BCAS3: variants seen among roughly 807,000 people sequenced by gnomAD.
BCAS3 encodes BCAS4/BCAS3 fusion.
A neutral mutation model predicts 116.1 loss-of-function variants in BCAS3; 53 were observed. That is an observed-to-expected ratio of 0.46 (90% CI 0.37 to 0.57). The LOEUF is 0.57. Ranked by LOEUF, BCAS3 falls within the 20% of genes least tolerant of loss-of-function variation. The probability of loss-of-function intolerance (pLI) is 0.00; values close to 1 mark genes in which losing one functional copy is unlikely to be tolerated. For missense variants in BCAS3, 917 were observed against 1,165.4 expected, an observed-to-expected ratio of 0.79 and a Z score of 3.10; for synonymous variants, 391 against 408.2, an observed-to-expected ratio of 0.96 and a Z score of 0.51.
chr17:60,855,873 G>T (rs940187106), intron 7 of BCAS3, among the ~76,000 whole-genome samples: 1 of 151,908 alleles, frequency 6.6e-6, no homozygotes, highest in African/African-American at 2.4e-5. Context: ...TTGTAAACAG[G>T]GTTTCACCAT....
intron 9 of BCAS3, among the ~76,000 whole-genome samples, chr17:60,881,440 CT>C (rs779372499): frequency 0.028 from 4,139 of 146,450 alleles, 71 homozygotes; most frequent in African/African-American, 0.044. Flanking sequence ...AATTGTTTAA[CT>C]TTTTTTTTTT....
chr17:60,692,083 G>GA (rs2034907153), intron 4 of BCAS3, among the ~76,000 whole-genome samples: 1 of 150,674 alleles, frequency 6.6e-6, no homozygotes, highest in Admixed American at 6.6e-5. Context: ...AAACACAGAA[G>GA]AAAAAGTGGA....
rs150061118 is a variant in BCAS3 at position 61,375,246 on chromosome 17, G to GTGTGTGTGTGCGCGCGCGCACA, written c.2593+6761_2593+6762insGCGCGCGCGCACATGTGTGTGT. Among the ~76,000 whole-genome samples, 410 of 150,774 alleles carry GTGTGTGTGTGCGCGCGCGCACA rather than the reference G, an allele frequency of 2.7e-3. 1 individual carries two copies. The highest frequency in any genetic ancestry group is 9.5e-3 in the African/African-American group (382 of 40,266). On this transcript the variant is annotated intron_variant, in intron 23 of 23. Coordinates refer to ENST00000407086, the MANE Select transcript of BCAS3 (RefSeq NM_017679.5). ...TGTGTGTGTGTGTGTGTGTGTGTGT[G>GTGTGTGTGTGCGCGCGCGCACA]TGTGTGTGTACTAATAAAGTCTTTC...
chr17:60,715,526 A>AGTG (rs2038490477), intron 5 of BCAS3, among the ~76,000 whole-genome samples: 1 of 151,118 alleles, frequency 6.6e-6, no homozygotes, highest in South Asian at 2.1e-4. Context: ...TCTCTCTGTG[A>AGTG]CACTCAGGCT....
In BCAS3 at chr17:61,388,509, C is replaced by T; in HGVS notation, c.2594-3468C>T. 1.0e-6 allele frequency: 1 copy of T among 999,466 alleles called. No individual in the cohort carries two copies. The highest frequency in any genetic ancestry group is 1.5e-6 in the Non-Finnish European group (1 of 684,216). The allele number at this position is 999,466 out of a possible 1,614,324, so 61.9% of individuals were successfully genotyped here. On this transcript the variant is annotated intron_variant, in intron 23 of 23. Coordinates refer to ENST00000407086, the MANE Select transcript of BCAS3 (RefSeq NM_017679.5). This position sits in a 1 kb window ranked among gnomAD's most constrained non-coding sequence, Gnocchi z 6.5. ...GCAAACTCCCCCTCCTCACGGTGTG[C>T]CCCTGCGCCTCCTGACACCTCTCCA...
At chr17:61,117,356 T>C (rs2075533536) in intron 22 of BCAS3, among the ~76,000 whole-genome samples, 1 of 152,226 alleles carries the variant, frequency 6.6e-6, no homozygotes, top group African/African-American at 2.4e-5. Flanking sequence ...ACTCTGGAAG[T>C]CTGAGGCAGG....
At chr17:61,079,930 C>T (rs1369200300) in intron 21 of BCAS3, among the ~76,000 whole-genome samples, 1 of 126,812 alleles carries the variant, frequency 7.9e-6, no homozygotes, top group African/African-American at 3.0e-5. Context: ...CCCACTCTGT[C>T]ACCTGGGCTG....
rs1008427149 is a variant in BCAS3 at position 61,333,491 on chromosome 17, C to T, written c.2426-34836C>T. On this transcript the variant is annotated intron_variant, in intron 22 of 23. Transcript: ENST00000407086. The surrounding 1 kb of genome is among the most constrained non-coding windows in gnomAD (Gnocchi z 4.8). The stretch of plus-strand genomic sequence containing the variant: ...CTGTCCACTCACATTGTGGCGCCCC[C>T]GACCCTTGCCAATCCCGTGCAAACC... 2.0e-5 allele frequency among the ~76,000 whole-genome samples: 3 copies of T among 152,154 alleles called. No homozygotes were observed. Among genetic ancestry groups the T allele is most frequent in the Admixed American group, 6.5e-5 (1 of 15,272 alleles).
intron 22 of BCAS3, among the ~76,000 whole-genome samples, chr17:61,174,753 A>G (rs939283534): frequency 7.2e-5 from 11 of 152,216 alleles, no homozygotes; most frequent in African/African-American, 2.2e-4. Flanking sequence ...ACGGTGTATT[A>G]CCATACAAAG....
intron 12 of BCAS3, among the ~76,000 whole-genome samples, chr17:60,911,769 AT>A (rs1469047111): frequency 6.6e-6 from 1 of 152,192 alleles, no homozygotes; most frequent in Non-Finnish European, 1.5e-5. Flanking sequence ...GACCATACCT[AT>A]TTGGAGGAAT....
intron 8 of BCAS3, among the ~76,000 whole-genome samples, chr17:60,872,404 A>G (rs898588338): frequency 4.6e-5 from 7 of 151,150 alleles, no homozygotes; most frequent in Non-Finnish European, 8.9e-5. Flanking sequence ...ATACACACAC[A>G]TACCCCATAT....
At chr17:60,823,761 A>G (rs183282144) in intron 7 of BCAS3, among the ~76,000 whole-genome samples, 1 of 152,328 alleles carries the variant, frequency 6.6e-6, no homozygotes, top group Admixed American at 6.5e-5. Context: ...TGGAGAATGA[A>G]AGCCAATGGT....
rs1420701346 is a variant in BCAS3, at chr17:61,391,639, C to G, written c.2594-338C>G. ...TGGAGTTGGGGGCATGCTGGCTGAG[C>G]ATGAGTGTGTGCAGGCGTGGGTACG... On this transcript the variant is annotated intron_variant, in intron 23 of 23. Coordinates refer to ENST00000407086, the MANE Select transcript of BCAS3 (RefSeq NM_017679.5). This position sits in a 1 kb window ranked among gnomAD's most constrained non-coding sequence, Gnocchi z 7.7. 4.4e-6 allele frequency: 1 copy of G among 226,788 alleles called. No individual in the cohort carries two copies. The highest frequency in any genetic ancestry group is 8.5e-6 in the Non-Finnish European group (1 of 117,160). The allele number at this position is 226,788 out of a possible 1,614,324, so 14.0% of individuals were successfully genotyped here.
chr17:61,160,844 T>C (rs1302890678), intron 22 of BCAS3, among the ~76,000 whole-genome samples: 2 of 152,138 alleles, frequency 1.3e-5, no homozygotes, highest in Non-Finnish European at 2.9e-5. Flanking sequence ...GCAGCTGATA[T>C]AAATGCAGGG....
chr17:60,826,834 G>A (rs544391835), intron 7 of BCAS3, among the ~76,000 whole-genome samples: 1 of 152,270 alleles, frequency 6.6e-6, no homozygotes, highest in African/African-American at 2.4e-5. Context: ...TATATCTGAA[G>A]AAAGAAGCCC....
At chr17:61,209,909 G>A (rs546385186) in intron 22 of BCAS3, among the ~76,000 whole-genome samples, 1 of 152,124 alleles carries the variant, frequency 6.6e-6, no homozygotes, top group Non-Finnish European at 1.5e-5. Flanking sequence ...CCCAATATTC[G>A]TCTTTTCTGT....
At chr17:60,847,105 A>T (rs2052608752) in intron 7 of BCAS3, among the ~76,000 whole-genome samples, 2 of 152,158 alleles carry the variant, frequency 1.3e-5, no homozygotes, top group African/African-American at 4.8e-5. Flanking sequence ...TCTCTCACTT[A>T]GCATAATGTT....
At position 61,189,013 on chromosome 17, in the gene BCAS3, G is replaced by A. The variant is rs1013600962; in HGVS notation, c.2425+104449G>A. Reference sequence around the variant, plus strand: ...AGCTACTTGGGAGGTTAAAGCAGGAGAATTGCTTGAGGCCGGGAGATTGAG... The same window carrying A: ...AGCTACTTGGGAGGTTAAAGCAGGAAAATTGCTTGAGGCCGGGAGATTGAG... On this transcript the variant is annotated intron_variant, in intron 22 of 23. Coordinates refer to ENST00000407086, the MANE Select transcript of BCAS3 (RefSeq NM_017679.5). The surrounding 1 kb of genome is among the most constrained non-coding windows in gnomAD (Gnocchi z 4.5). Among the ~76,000 whole-genome samples, 2 of 152,092 alleles carry A rather than the reference G, an allele frequency of 1.3e-5. No homozygotes were observed. The highest frequency in any genetic ancestry group is 2.9e-5 in the Non-Finnish European group (2 of 68,010).
At chr17:61,070,734 G>T (rs2071349205) in intron 19 of BCAS3, among the ~76,000 whole-genome samples, 1 of 151,968 alleles carries the variant, frequency 6.6e-6, no homozygotes, top group Non-Finnish European at 1.5e-5. Context: ...TGTCTCCTAG[G>T]CTGGCCTTCT....
Sources: allele counts gnomAD v4.1 joint callset (sites outside exome capture counted in the v4.1 genomes callset), GRCh38; gene constraint gnomAD v4.1.1; non-coding constraint Gnocchi (gnomAD v3.1); transcripts MANE v1.5; gene names NCBI Gene and HGNC (gene_info 2026-07-23, HGNC 2026-07-21).